Variants in DPH6 observed in about 807,000 individuals in gnomAD.
The protein encoded by DPH6 is diphthine--ammonia ligase.
Under a neutral mutation model 38.2 loss-of-function variants are expected in DPH6, and 33 were observed. The ratio of observed to expected loss-of-function variants is 0.86; its 90% CI spans 0.65 to 1.15. The LOEUF is 1.15. Among genes scored for constraint, DPH6 ranks in the 50% most tolerant of loss-of-function variants. The pLI is 0.00. For synonymous variants in DPH6, 108 were observed against 103.0 expected, an observed-to-expected ratio of 1.05 and a Z score of -0.30; for missense variants, 325 against 320.0, an observed-to-expected ratio of 1.02 and a Z score of -0.12.
intron 3 of DPH6, among the ~76,000 whole-genome samples, chr15:35,482,547 C>T (rs1317353988): frequency 6.6e-6 from 1 of 152,028 alleles, no homozygotes; most frequent in Non-Finnish European, 1.5e-5. Context: ...AGAAATAAAT[C>T]TAGAAATAAA....
chr15:35,477,307 G>A (rs954900381), intron 3 of DPH6, among the ~76,000 whole-genome samples: 4 of 151,646 alleles, frequency 2.6e-5, no homozygotes, highest in African/African-American at 7.3e-5. Flanking sequence ...GAATATTTGA[G>A]GGGAGTGGAT....
intron 3 of DPH6, among the ~76,000 whole-genome samples, chr15:35,259,172 A>G (rs1002098246): frequency 1.1e-4 from 17 of 150,938 alleles, no homozygotes; most frequent in African/African-American, 4.1e-4. Flanking sequence ...GATTCCTACT[A>G]GGTGATCATC....
chr15:35,274,267 G>C (rs1023744070), intron 3 of DPH6, among the ~76,000 whole-genome samples: 2 of 152,170 alleles, frequency 1.3e-5, no homozygotes, highest in Non-Finnish European at 2.9e-5. Context: ...ATGGATTAAA[G>C]ACTTAAGTGT....
intron 3 of DPH6, among the ~76,000 whole-genome samples, chr15:35,362,243 T>C (rs2052620310): frequency 6.6e-6 from 1 of 152,194 alleles, no homozygotes; most frequent in African/African-American, 2.4e-5. Flanking sequence ...GTAGAGTGTC[T>C]GTCTGCAGTG....
At chr15:35,324,638 C>G (rs1050147118) in intron 3 of DPH6, among the ~76,000 whole-genome samples, 1 of 152,078 alleles carries the variant, frequency 6.6e-6, no homozygotes, top group African/African-American at 2.4e-5. Flanking sequence ...ACATACATTG[C>G]AGATAGCAGT....
At chr15:35,313,885 C>T (rs762816274) in intron 3 of DPH6, among the ~76,000 whole-genome samples, 15 of 151,922 alleles carry the variant, frequency 9.9e-5, no homozygotes, top group Non-Finnish European at 2.2e-4. Flanking sequence ...TTTGTCTGGG[C>T]AAGTATTTAT....
intron 3 of DPH6, among the ~76,000 whole-genome samples, chr15:35,488,776 G>A (rs561453100): frequency 3.9e-5 from 6 of 152,152 alleles, no homozygotes; most frequent in African/African-American, 9.6e-5. Context: ...AAAATGATGA[G>A]GAAAGGAAAT....
rs149354262 is a variant in DPH6 at position 35,440,016 on chromosome 15, A to C, written c.505+10669T>G. Among the ~76,000 whole-genome samples the C allele has an allele frequency of 5.9e-5, 9 of 152,358 alleles. No individual in the cohort carries two copies. In the East Asian group the frequency reaches 1.5e-3, roughly 26 times the overall value. ...TTCAAAACTTACATATTTATCATTA[A>C]ATTCCAGACTGATTAGTTGTTTTTT... On this transcript the variant is annotated intron_variant, in intron 5 of 8. Transcript: ENST00000256538.
At chr15:35,204,826 AAG>A in the DPH6 span, among the ~76,000 whole-genome samples, 1 of 151,926 alleles carries the variant, frequency 6.6e-6, no homozygotes, top group South Asian at 2.1e-4. Context: ...AACCACATTG[AAG>A]AGTTGCCTGC....
At chr15:35,389,302 A>G (rs1432242757) in intron 6 of DPH6, among the ~76,000 whole-genome samples, 1 of 152,188 alleles carries the variant, frequency 6.6e-6, no homozygotes, top group Admixed American at 6.5e-5. Flanking sequence ...TGGTGCTGAA[A>G]AGAATGTATA....
intron 8 of DPH6, among the ~76,000 whole-genome samples, chr15:35,372,824 G>A (rs1292834423): frequency 1.3e-5 from 2 of 151,738 alleles, no homozygotes; most frequent in Admixed American, 6.6e-5. Flanking sequence ...TCAAGACTTG[G>A]GGGAAAGAAC....
In DPH6 at chr15:35,279,068, A is replaced by AAAAAAAAAATAAATATAT. The variant is rs1555390826; in HGVS notation, n.201-58487_201-58486insATATATTTATTTTTTTTT. Among the ~76,000 whole-genome samples the AAAAAAAAAATAAATATAT allele has an allele frequency of 9.3e-4, 96 of 102,956 alleles. 1 individual carries two copies. The highest frequency in any genetic ancestry group is 1.7e-3 in the Admixed American group (15 of 9,070). The allele number at this position is 102,956 out of a possible 152,430, so 67.5% of individuals were successfully genotyped here. On this transcript the variant is annotated intron_variant and non_coding_transcript_variant, in intron 3 of 3. Coordinates refer to the DPH6 transcript ENST00000560386. ...TGTCTCAAAAAAAAAAAAAAAAAAA[A>AAAAAAAAAATAAATATAT]ATATATATATATATATAATTTTGGA... is the stretch of plus-strand genomic sequence containing the variant.
At chr15:35,216,668 G>A (rs1172509938), downstream of DPH6, among the ~76,000 whole-genome samples, 3 of 152,140 alleles carry the variant, frequency 2.0e-5, no homozygotes, top group African/African-American at 7.2e-5. Flanking sequence ...GCTGAGCACT[G>A]AACTCTTTGC....
At chr15:35,170,952 A>G in the DPH6 span, among the ~76,000 whole-genome samples, 5 of 152,326 alleles carry the variant, frequency 3.3e-5, no homozygotes, top group African/African-American at 1.2e-4. Context: ...TCAGCATTAT[A>G]ATGTTGTATT....
At chr15:35,441,780 G>A (rs942517738) in intron 5 of DPH6, among the ~76,000 whole-genome samples, 1 of 140,368 alleles carries the variant, frequency 7.1e-6, no homozygotes, top group African/African-American at 2.7e-5. Flanking sequence ...TGCATGTTCT[G>A]CACGTGTATC....
chr15:35,414,360 A>G (rs2053409833), intron 5 of DPH6, among the ~76,000 whole-genome samples: 1 of 151,734 alleles, frequency 6.6e-6, no homozygotes, highest in South Asian at 2.1e-4. Context: ...GCTCCCATAT[A>G]AGGAATCTTT....
chr15:35,436,506 A>AAAAAACAAAAAAAAC (rs1244468652), intron 5 of DPH6, among the ~76,000 whole-genome samples: 23 of 103,344 alleles, frequency 2.2e-4, no homozygotes, highest in African/African-American at 8.9e-4. Flanking sequence ...AAACAAAACA[A>AAAAAACAAAAAAAAC]AACAAAACAA....
At chr15:35,415,816 A>G (rs536006230) in intron 5 of DPH6, among the ~76,000 whole-genome samples, 16 of 152,062 alleles carry the variant, frequency 1.1e-4, no homozygotes, top group Non-Finnish European at 2.2e-4. Flanking sequence ...ACATTAGAGA[A>G]AAATTTTCAA....
chr15:35,197,730 C>T, the DPH6 span, among the ~76,000 whole-genome samples: 3 of 152,310 alleles, frequency 2.0e-5, no homozygotes, highest in South Asian at 4.1e-4. Context: ...TCCTGAACTA[C>T]TCTTGGGCAT....
Sources: gnomAD v4.1 joint callset for allele counts (sites outside exome capture counted in the v4.1 genomes callset) on GRCh38, gnomAD v4.1.1 for gene constraint, MANE v1.5 for transcripts, NCBI Gene and HGNC (gene_info 2026-07-23, HGNC 2026-07-21) for gene names.